The following MYO6 variants were observed in gnomAD, a reference collection of about 807,000 sequenced individuals.
The protein encoded by MYO6 is myosin VI, also known as unconventional myosin-VI.
Under a neutral mutation model 178.7 loss-of-function variants are expected in MYO6, and 74 were observed. The ratio of observed to expected loss-of-function variants is 0.41; its 90% confidence interval spans 0.34 to 0.50. The LOEUF is 0.50. Among genes scored for constraint, MYO6 ranks in the 20% least tolerant of loss-of-function variants. The probability of loss-of-function intolerance (pLI) is 0.09; values close to 1 mark genes in which losing one functional copy is unlikely to be tolerated. For missense variants in MYO6, 1,330 were observed against 1,547.4 expected (o/e 0.86, Z 2.36); for synonymous variants, 477 against 504.6 (o/e 0.95, Z 0.73).
chr6:75,882,716 A>G (rs1429322154), intron 23 of MYO6, among the ~76,000 whole-genome samples: 1 of 57,126 alleles, frequency 1.8e-5, no homozygotes, highest in Non-Finnish European at 5.6e-5. Flanking sequence ...TAAAATAGGC[A>G]ATAACATATA....
intron 1 of MYO6, among the ~76,000 whole-genome samples, chr6:75,759,111 C>A (rs550078888): frequency 1.3e-5 from 2 of 152,076 alleles, no homozygotes; most frequent in Non-Finnish European, 2.9e-5. Flanking sequence ...CTCAGCTGAG[C>A]CACCCGCCTC....
chr6:75,814,833 C>T lies in MYO6; in HGVS notation c.-47-2668C>T, dbSNP rs1444942888. Among the ~76,000 whole-genome samples the T allele has an allele frequency of 2.0e-5, 3 of 150,000 alleles. No individual in the cohort carries two copies. In the East Asian group the frequency reaches 5.9e-4, roughly 30 times the overall value. On this transcript the variant is annotated intron_variant, in intron 1 of 34. Transcript: ENST00000369977. ...ATGATTGCATCACTGTGCCACTGCA[C>T]TATGGCCTGGGTGATAGAAAGACCC... is the stretch of plus-strand genomic sequence containing the variant.
intron 1 of MYO6, among the ~76,000 whole-genome samples, chr6:75,796,954 A>G (rs985928072): frequency 6.6e-6 from 1 of 152,042 alleles, no homozygotes; most frequent in Non-Finnish European, 1.5e-5. Flanking sequence ...TCCATGGTGT[A>G]TGTGTACTAT....
chr6:75,909,560 A>C (rs1780601941), intron 32 of MYO6, among the ~76,000 whole-genome samples: 2 of 152,202 alleles, frequency 1.3e-5, no homozygotes, highest in African/African-American at 4.8e-5. Flanking sequence ...GAAATTGGAA[A>C]GTAGAGTAGA....
intron 1 of MYO6, among the ~76,000 whole-genome samples, chr6:75,780,081 G>T (rs1178164878): frequency 6.6e-6 from 1 of 152,172 alleles, no homozygotes; most frequent in Non-Finnish European, 1.5e-5. Context: ...TTGGGTAATG[G>T]GGGCTGGAGG....
chr6:75,866,873 A>G (rs1776749052), intron 17 of MYO6, 59 bp from the exon 18 acceptor site: 4 of 1,548,460 alleles, frequency 2.6e-6, no homozygotes, highest in East Asian at 2.2e-5. Flanking sequence ...GGACAGAGCC[A>G]TGTTAAGTGA....
chr6:75,781,691 G>A (rs1318279153), intron 1 of MYO6, among the ~76,000 whole-genome samples: 2 of 152,080 alleles, frequency 1.3e-5, no homozygotes, highest in Admixed American at 1.3e-4. Flanking sequence ...GGAGGCTGAG[G>A]CAGGTGGATC....
At position 75,914,217 on chromosome 6, in the gene MYO6, T is replaced by C; in HGVS notation, c.3594T>C (p.Asp1198=). Residue 1198 remains aspartate, a synonymous_variant, in exon 34 of 35, where the codon GAT becomes GAC. Coordinates refer to ENST00000369977, the MANE Select transcript of MYO6 (RefSeq NM_004999.4). ...KKKGWWYAHF[D]GPWIARQMEL... is the part of the protein sequence containing the mutation. The stretch of plus-strand genomic sequence containing the variant: ...AAGGCTGGTGGTATGCCCATTTTGA[T>C]GGACCATGGATTGCCCGGCAAATGG... The C allele has an allele frequency of 6.2e-7, 1 of 1,614,208 alleles. No individual in the cohort carries two copies. Among genetic ancestry groups the C allele is most frequent in the Non-Finnish European group, 8.5e-7 (1 of 1,180,032 alleles).
At chr6:75,779,056 CAAAAAAAAAAAAAAAAA>C (rs142469441) in intron 1 of MYO6, among the ~76,000 whole-genome samples, 5 of 64,530 alleles carry the variant, frequency 7.7e-5, no homozygotes, top group African/African-American at 2.8e-4. Flanking sequence ...GACTTTGTCT[CAAAAAAAAAAAAAAAAA>C]AAAAAAAAAG....
At position 75,778,058 on chromosome 6, in the gene MYO6, C is replaced by T. The variant is rs557609919; in HGVS notation, c.-48+28635C>T. ...ATTTAAAAATTGAAACAGAGTCTTG[C>T]TGTATTGCCCAAGCTGATCTTAAAC... On this transcript the variant is annotated intron_variant, in intron 1 of 34. Transcript: ENST00000369977. Among the ~76,000 whole-genome samples, 3 of 152,058 alleles carry T rather than the reference C, an allele frequency of 2.0e-5. No homozygotes were observed. The East Asian group carries it at 5.8e-4, about 29-fold the overall frequency.
At chr6:75,905,746 C>T (rs559418360) in intron 30 of MYO6, among the ~76,000 whole-genome samples, 4 of 152,326 alleles carry the variant, frequency 2.6e-5, no homozygotes, top group East Asian at 3.9e-4. Context: ...CTCGTGCCTC[C>T]ACATTATTCT....
At position 75,911,713 on chromosome 6, in the gene MYO6, G is replaced by C. The variant is rs1404567145; in HGVS notation, c.3439+15G>C. On this transcript the variant is annotated intron_variant, in intron 33 of 34. Transcript: ENST00000369977. ...GAACAATTCACGTAAGTCAATGGGT[G>C]GTAACTCATGAGCTAACTGGAAGAT... 1.2e-6 allele frequency: 2 copies of C among 1,608,820 alleles called. No individual in the cohort carries two copies. The highest frequency in any genetic ancestry group is 2.7e-5 in the African/African-American group (2 of 74,738).
In MYO6 at chr6:75,875,102, AG is replaced by A. The variant is rs530550121; in HGVS notation, c.2077+1804del. ...GTTATCATTTTTCAGGATTTAAGTT[AG>A]GCCTCTTTTTCTTCTCATTCTATGT... On this transcript the variant is annotated intron_variant, in intron 20 of 34. Coordinates refer to ENST00000369977, the MANE Select transcript of MYO6 (RefSeq NM_004999.4). Among the ~76,000 whole-genome samples, 5 of 152,124 alleles carry A rather than the reference AG, an allele frequency of 3.3e-5. No homozygotes were observed. The South Asian group carries it at 8.3e-4, about 25-fold the overall frequency.
chr6:75,857,875 T>C (rs1417156567), intron 13 of MYO6, among the ~76,000 whole-genome samples: 1 of 152,200 alleles, frequency 6.6e-6, no homozygotes, highest in Non-Finnish European at 1.5e-5. Flanking sequence ...GTAAATCTAA[T>C]GGGTTTTGTA....
intron 1 of MYO6, among the ~76,000 whole-genome samples, chr6:75,787,418 C>T (rs997256646): frequency 3.9e-5 from 6 of 152,068 alleles, no homozygotes; most frequent in Admixed American, 3.9e-4. Flanking sequence ...TAGAACCCAA[C>T]TACTGACAGC....
At chr6:75,839,424 G>A (rs1177610446) in intron 7 of MYO6, among the ~76,000 whole-genome samples, 2 of 151,510 alleles carry the variant, frequency 1.3e-5, no homozygotes, top group Non-Finnish European at 1.5e-5. Flanking sequence ...TTCAGCCCTC[G>A]AGATCCGCCT....
intron 1 of MYO6, among the ~76,000 whole-genome samples, chr6:75,781,129 A>G (rs1029322232): frequency 6.6e-6 from 1 of 152,098 alleles, no homozygotes; most frequent in Non-Finnish European, 1.5e-5. Context: ...AAAATTTAAT[A>G]ACAAAATTGG....
At chr6:75,783,007 T>C (rs1767144377) in intron 1 of MYO6, among the ~76,000 whole-genome samples, 1 of 149,450 alleles carries the variant, frequency 6.7e-6, no homozygotes, top group Non-Finnish European at 1.5e-5. Context: ...CTTGATCTCC[T>C]AGGCTCAAGT....
At chr6:75,869,699 C>T (rs1776981281) in intron 18 of MYO6, among the ~76,000 whole-genome samples, 1 of 152,190 alleles carries the variant, frequency 6.6e-6, no homozygotes, top group African/African-American at 2.4e-5. Flanking sequence ...CACTGAACCA[C>T]ACCACATCAT....
Sources: allele counts gnomAD v4.1 joint callset (sites outside exome capture counted in the v4.1 genomes callset), GRCh38; gene constraint gnomAD v4.1.1; transcripts MANE v1.5; gene names NCBI Gene and HGNC (gene_info 2026-07-23, HGNC 2026-07-21).